Variants in PCDHGB7 observed in about 807,000 individuals in gnomAD.
PCDHGB7 encodes protocadherin gamma subfamily B, 7.
In PCDHGB7, 37 loss-of-function variants were observed where a neutral mutation model predicts 61.4. The observed-to-expected ratio is 0.60, with a 90% CI of 0.46 to 0.79. The LOEUF is 0.79. Ranked by LOEUF, PCDHGB7 falls within the 30% of genes least tolerant of loss-of-function variation. The pLI is 0.00. For synonymous variants in PCDHGB7, 464 were observed against 503.5 expected (o/e 0.92, Z 1.05); for missense variants, 1,166 against 1,202.5 (o/e 0.97, Z 0.45).
intron 1 of PCDHGB7, among the ~76,000 whole-genome samples, chr5:141,475,556 T>A (rs1420756007): frequency 6.6e-6 from 1 of 152,248 alleles, no homozygotes; most frequent in Non-Finnish European, 1.5e-5. Context: ...CGGCTAATTG[T>A]CTGTCTTCCA....
At position 141,487,215 on chromosome 5, in the gene PCDHGB7, C is replaced by G. The variant is rs1248989099; in HGVS notation, c.2416-7592C>G. 4 of 1,613,850 alleles carry G rather than the reference C, an allele frequency of 2.5e-6. No homozygotes were observed. Among genetic ancestry groups the G allele is most frequent in the East Asian group, 4.5e-5 (2 of 44,882 alleles). The stretch of plus-strand genomic sequence containing the variant: ...GTCCCAGATCTTCGAGAATCTTCAG[C>G]TCCAAGGGAAGGAGAATCTCGTCTA... On this transcript the variant is annotated intron_variant, in intron 1 of 3. Coordinates refer to ENST00000398594, the MANE Select transcript of PCDHGB7 (RefSeq NM_018927.4). This position sits in a 1 kb window ranked among gnomAD's most constrained non-coding sequence, Gnocchi z 5.0.
intron 1 of PCDHGB7, among the ~76,000 whole-genome samples, chr5:141,484,837 T>C (rs1289449270): frequency 6.6e-6 from 1 of 151,620 alleles, no homozygotes; most frequent in Non-Finnish European, 1.5e-5. Context: ...GGCGAAAAGA[T>C]AGGCTGGGTT....
At chr5:141,461,757 G>A (rs2099022119) in intron 1 of PCDHGB7, among the ~76,000 whole-genome samples, 1 of 151,994 alleles carries the variant, frequency 6.6e-6, no homozygotes, top group Non-Finnish European at 1.5e-5. Context: ...AGATTCAAGC[G>A]ATTCTCCTGC....
At chr5:141,507,797 C>A (rs933921827) in intron 3 of PCDHGB7, among the ~76,000 whole-genome samples, 1 of 152,240 alleles carries the variant, frequency 6.6e-6, no homozygotes, top group Admixed American at 6.5e-5. Context: ...TCTAAGCCTG[C>A]GCCCTGGGGA....
chr5:141,508,527 GCACC>G (rs2099869479), intron 3 of PCDHGB7, among the ~76,000 whole-genome samples: 1 of 152,104 alleles, frequency 6.6e-6, no homozygotes, highest in Non-Finnish European at 1.5e-5. Flanking sequence ...CAACCTCAGG[GCACC>G]CCCCACGAGG....
intron 1 of PCDHGB7, among the ~76,000 whole-genome samples, chr5:141,456,911 C>T (rs1262649726): frequency 2.0e-5 from 3 of 151,928 alleles, no homozygotes; most frequent in Non-Finnish European, 4.4e-5. Flanking sequence ...TGCAGTGAGC[C>T]GAGATCGCAC....
rs376526750 is a variant in PCDHGB7 at position 141,476,593 on chromosome 5, G to T, written c.2416-18214G>T. The T allele has an allele frequency of 8.5e-5, 138 of 1,614,104 alleles. No individual in the cohort carries two copies. The highest frequency in any genetic ancestry group is 1.1e-4 in the Non-Finnish European group (133 of 1,180,044). On this transcript the variant is annotated intron_variant, in intron 1 of 3. Transcript: ENST00000398594. The surrounding 1 kb of genome is among the most constrained non-coding windows in gnomAD (Gnocchi z 7.6). ...GGACGCGCTTTCCGCTCGAGAGCGCGCACGATCCCGATGTGGGAAGCAACT... is the reference window on the plus strand; with the variant it reads ...GGACGCGCTTTCCGCTCGAGAGCGCTCACGATCCCGATGTGGGAAGCAACT...
Position 141,419,579 on chromosome 5 carries a change from C to G in PCDHGB7, c.1720C>G (p.Leu574Val), listed in dbSNP as rs759041306. 11 of 1,611,812 alleles carry G rather than the reference C, an allele frequency of 6.8e-6. No individual in the cohort carries two copies. Among genetic ancestry groups the G allele is most frequent in the Non-Finnish European group, 9.3e-6 (11 of 1,179,528 alleles). ...YPALGPDGSA[L>V]FDTVPRAAQP... ...TGCGCTGGGTCCCGACGGCTCCGCGCTCTTCGACACAGTGCCGCGGGCCGC... is the reference window on the plus strand; with the variant it reads ...TGCGCTGGGTCCCGACGGCTCCGCGGTCTTCGACACAGTGCCGCGGGCCGC... The change falls in exon 1 of 4, where the codon CTC becomes GTC. Residue 574 changes from leucine (L) to valine (V), a missense_variant. By Grantham distance (32) the Leu-to-Val change is conservative. Coordinates refer to ENST00000398594, the MANE Select transcript of PCDHGB7 (RefSeq NM_018927.4).
rs1358516648 is a variant in PCDHGB7, at chr5:141,489,199, A to C, written c.2416-5608A>C. The C allele has an allele frequency of 1.4e-6, 2 of 1,395,234 alleles. No individual in the cohort carries two copies. The highest frequency in any genetic ancestry group is 2.8e-5 in the South Asian group (2 of 71,520). The allele number at this position is 1,395,234 out of a possible 1,614,324, so 86.4% of individuals were successfully genotyped here. ...CAAGCCCTGGGTCTACCTTGGAGAC[A>C]GGACAGCACAGACTTACTCTCCACA... On this transcript the variant is annotated intron_variant, in intron 1 of 3. Transcript: ENST00000398594. The surrounding 1 kb of genome is among the most constrained non-coding windows in gnomAD (Gnocchi z 4.5).
At chr5:141,445,558 G>A (rs1172697298) in intron 1 of PCDHGB7, among the ~76,000 whole-genome samples, 1 of 152,172 alleles carries the variant, frequency 6.6e-6, no homozygotes, top group Non-Finnish European at 1.5e-5. Flanking sequence ...AAAGCACTAA[G>A]AGAAAGCTTA....
At chr5:141,494,991 G>A in intron 2 of PCDHGB7, 126 bp downstream of exon 2, 1 of 1,551,148 alleles carries the variant, frequency 6.4e-7, no homozygotes, top group Non-Finnish European at 8.7e-7. Context: ...AGATCCCAGG[G>A]AGGTCTTGGT....
chr5:141,475,820 C>T (rs890721743), intron 1 of PCDHGB7: 2 of 351,808 alleles, frequency 5.7e-6, no homozygotes, highest in African/African-American at 2.1e-5. Context: ...AAGTTCCTGG[C>T]GCTAGCGCGT....
rs191165530 is a variant in PCDHGB7 at position 141,439,134 on chromosome 5, A to T, written c.2415+18860A>T. On this transcript the variant is annotated intron_variant, in intron 1 of 3. Coordinates refer to ENST00000398594, the MANE Select transcript of PCDHGB7 (RefSeq NM_018927.4). The stretch of plus-strand genomic sequence containing the variant: ...CTTGAACCCGGGAGACAGAGGTTGC[A>T]GTGAGCTGAGATCACGCCACTGCAC... Among the ~76,000 whole-genome samples the T allele has an allele frequency of 2.4e-3, 368 of 151,344 alleles. 1 individual carries two copies. Among genetic ancestry groups the T allele is most frequent in the African/African-American group, 8.5e-3 (349 of 41,216 alleles).
chr5:141,468,860 C>A (rs941902317), intron 1 of PCDHGB7, among the ~76,000 whole-genome samples: 16 of 151,980 alleles, frequency 1.1e-4, no homozygotes, highest in Admixed American at 4.6e-4. Context: ...AGCGAGACTC[C>A]ATCTCAAAAA....
At chr5:141,422,789 TC>T (rs1561803924) in intron 1 of PCDHGB7, 44 of 1,614,158 alleles carry the variant, frequency 2.7e-5, no homozygotes, top group Non-Finnish European at 3.6e-5. Context: ...CTACAATCCT[TC>T]GACTATGAGC....
At chr5:141,426,453 G>A (rs902416171) in intron 1 of PCDHGB7, 4 of 310,612 alleles carry the variant, frequency 1.3e-5, no homozygotes, top group African/African-American at 8.6e-5. Flanking sequence ...ACATGCGGCT[G>A]CATGTTCAGG....
Position 141,486,226 on chromosome 5 carries a change from A to G in PCDHGB7, c.2416-8581A>G, listed in dbSNP as rs889500362. 5.0e-6 allele frequency: 8 copies of G among 1,614,012 alleles called. No individual in the cohort carries two copies. The highest frequency in any genetic ancestry group is 6.8e-6 in the Non-Finnish European group (8 of 1,180,018). On this transcript the variant is annotated intron_variant, in intron 1 of 3. Transcript: ENST00000398594. This position sits in a 1 kb window ranked among gnomAD's most constrained non-coding sequence, Gnocchi z 5.0. ...TAAATGACAATGCCCCTTACATCACAGTGACCTCAGAGCTTGGAACCCTCC... is the reference window on the plus strand; with the variant it reads ...TAAATGACAATGCCCCTTACATCACGGTGACCTCAGAGCTTGGAACCCTCC...
At position 141,471,885 on chromosome 5, in the gene PCDHGB7, A is replaced by G. The variant is rs180968509; in HGVS notation, c.2416-22922A>G. ...ACTGTGGTTGCCTGAGGCTGAAGCT[A>G]GGAAGATTGACTACAGACAAGCATG... On this transcript the variant is annotated intron_variant, in intron 1 of 3. Transcript: ENST00000398594. Among the ~76,000 whole-genome samples the G allele has an allele frequency of 1.9e-3, 294 of 152,338 alleles. 1 individual carries two copies. Among genetic ancestry groups the G allele is most frequent in the Middle Eastern group, 0.017 (5 of 294 alleles).
Position 141,486,092 on chromosome 5 carries a change from C to G in PCDHGB7, c.2416-8715C>G. ...TACTGGAAAGCTTACTCTTTTGGGG[C>G]CCCTAGACTTTGAGAGTGAGAATTA... On this transcript the variant is annotated intron_variant, in intron 1 of 3. Transcript: ENST00000398594. The surrounding 1 kb of genome is among the most constrained non-coding windows in gnomAD (Gnocchi z 5.0). The G allele has an allele frequency of 6.2e-7, 1 of 1,614,148 alleles. No individual in the cohort carries two copies. Among genetic ancestry groups the G allele is most frequent in the South Asian group, 1.1e-5 (1 of 91,080 alleles).
Sources: allele counts gnomAD v4.1 joint callset (sites outside exome capture counted in the v4.1 genomes callset), GRCh38; gene constraint gnomAD v4.1.1; non-coding constraint Gnocchi (gnomAD v3.1); transcripts MANE v1.5; gene names NCBI Gene and HGNC (gene_info 2026-07-23, HGNC 2026-07-21).